The following GPC3 variants were observed in gnomAD, a reference collection of about 807,000 sequenced individuals.
GPC3 encodes glypican-3.
A neutral mutation model predicts 34.4 loss-of-function variants in GPC3; 3 were observed. The ratio of observed to expected loss-of-function variants is 0.09; its 90% CI spans 0.04 to 0.23. The LOEUF is 0.23. GPC3 is among the 10% of genes least tolerant of loss of function. The pLI is 1.00. For synonymous variants in GPC3, 177 were observed against 174.0 expected (o/e 1.02, Z -0.13); for missense variants, 351 against 445.6 (o/e 0.79, Z 1.91).
intron 1 of GPC3, among the ~76,000 whole-genome samples, chrX:133,964,198 T>C (rs956961091): frequency 4.5e-5 from 5 of 112,202 alleles, no homozygotes; most frequent in Non-Finnish European, 7.5e-5. Flanking sequence ...GTGAAAACCA[T>C]ATATTTACCA....
chrX:133,973,617 C>T (rs2076502677), intron 1 of GPC3, among the ~76,000 whole-genome samples: 1 of 111,964 alleles, frequency 8.9e-6, no homozygotes, highest in Non-Finnish European at 1.9e-5. Flanking sequence ...GCCAGAGAAA[C>T]AGAAAATTAT....
chrX:133,552,504 C>T (rs1017937204), intron 7 of GPC3, among the ~76,000 whole-genome samples: 10 of 111,194 alleles, frequency 9.0e-5, no homozygotes, highest in Admixed American at 8.7e-4. Flanking sequence ...GAGAAAAAAC[C>T]ACATAATCTA....
chrX:133,655,503 CACCCACACA>C (rs1569406962), intron 6 of GPC3, among the ~76,000 whole-genome samples: 18 of 106,045 alleles, frequency 1.7e-4, no homozygotes, highest in African/African-American at 6.7e-4. Flanking sequence ...CACACACACA[CACCCACACA>C]CACACACACA....
chrX:133,793,058 T>C lies in GPC3; in HGVS notation c.338-38882A>G, dbSNP rs1282333112. ...CTTCTGGTTTATGATTATTCTGAAT[T>C]AACACCAAAAAATAGAAATAAAAAA... On this transcript the variant is annotated intron_variant, in intron 2 of 7. Transcript: ENST00000370818. Among the ~76,000 whole-genome samples, 10 of 109,444 alleles carry C rather than the reference T, an allele frequency of 9.1e-5. No homozygotes were observed. The Admixed American group carries it at 9.7e-4, about 11-fold the overall frequency.
At position 133,552,589 on chromosome X, in the gene GPC3, C is replaced by T. The variant is rs575438780; in HGVS notation, c.1574-16296G>A. 2.3e-4 allele frequency among the ~76,000 whole-genome samples: 26 copies of T among 111,841 alleles called. No homozygotes were observed. The South Asian group carries it at 8.3e-3, about 36-fold the overall frequency. On this transcript the variant is annotated intron_variant, in intron 7 of 7. Transcript: ENST00000370818. Reference sequence around the variant, plus strand: ...TCAAGCAATACGAAATGCGCCTATACGGTAAAGATGGTCATATGAGGATAC... The same window carrying T: ...TCAAGCAATACGAAATGCGCCTATATGGTAAAGATGGTCATATGAGGATAC...
intron 7 of GPC3, among the ~76,000 whole-genome samples, chrX:133,547,543 T>C (rs1027037664): frequency 9.0e-6 from 1 of 111,551 alleles, no homozygotes; most frequent in Non-Finnish European, 1.9e-5. Context: ...AGAATGAAGA[T>C]GAATGGATAT....
At chrX:133,712,128 T>C (rs1412259359) in intron 3 of GPC3, among the ~76,000 whole-genome samples, 1 of 112,242 alleles carries the variant, frequency 8.9e-6, no homozygotes, top group African/African-American at 3.2e-5. Flanking sequence ...AAAAAGGAGA[T>C]TAGAAGACTT....
intron 2 of GPC3, among the ~76,000 whole-genome samples, chrX:133,870,824 A>G (rs1203419640): frequency 1.8e-5 from 2 of 111,799 alleles, no homozygotes; most frequent in Non-Finnish European, 3.8e-5. Context: ...GTCACCAATG[A>G]CTTTTAGAGT....
chrX:133,801,491 C>T (rs763515664), intron 2 of GPC3, among the ~76,000 whole-genome samples: 1 of 111,779 alleles, frequency 8.9e-6, no homozygotes, highest in South Asian at 3.8e-4. Context: ...TAGTCGAACG[C>T]ATTTTATAAA....
intron 2 of GPC3, among the ~76,000 whole-genome samples, chrX:133,857,054 T>C: frequency 1.1e-5 from 1 of 93,958 alleles, no homozygotes; most frequent in Non-Finnish European, 2.1e-5. Context: ...CCATGTAATG[T>C]TTCTGTTAGA....
intron 3 of GPC3, among the ~76,000 whole-genome samples, chrX:133,731,837 T>C (rs1326173631): frequency 1.8e-5 from 2 of 112,725 alleles, no homozygotes; most frequent in Non-Finnish European, 3.7e-5. Flanking sequence ...GATAGGTTTG[T>C]TTCCTTTTTC....
intron 2 of GPC3, among the ~76,000 whole-genome samples, chrX:133,904,487 G>A (rs2076159451): frequency 8.9e-6 from 1 of 112,140 alleles, no homozygotes; most frequent in Non-Finnish European, 1.9e-5. Flanking sequence ...ATGGGACTGA[G>A]GCCAGTTTGA....
intron 5 of GPC3, among the ~76,000 whole-genome samples, chrX:133,687,325 G>A (rs1324253669): frequency 3.9e-5 from 4 of 102,741 alleles, no homozygotes; most frequent in Non-Finnish European, 5.9e-5. Flanking sequence ...ACTTATCAAG[G>A]TATGCCCTAT....
rs73241311 is a variant in GPC3 at position 133,970,827 on chromosome X, C to A, written c.175+14448G>T. ...TATACATAAGTGCATAACCTAACAA[C>A]CTTGGCCAAGCTTGGAAGAGATAAT... On this transcript the variant is annotated intron_variant, in intron 1 of 7. Coordinates refer to ENST00000370818, the MANE Select transcript of GPC3 (RefSeq NM_004484.4). Among the ~76,000 whole-genome samples, 304 of 111,592 alleles carry A rather than the reference C, an allele frequency of 2.7e-3. 1 individual carries two copies. Among genetic ancestry groups the A allele is most frequent in the Non-Finnish European group, 4.9e-3 (261 of 53,131 alleles).
intron 2 of GPC3, among the ~76,000 whole-genome samples, chrX:133,780,060 G>A (rs1345827483): frequency 4.5e-5 from 5 of 112,027 alleles, no homozygotes; most frequent in African/African-American, 1.3e-4. Context: ...TGGAAGCAGA[G>A]GCTGAAAGTA....
chrX:133,948,100 C>T (rs1166917105), intron 2 of GPC3, among the ~76,000 whole-genome samples: 1 of 110,739 alleles, frequency 9.0e-6, no homozygotes, highest in Non-Finnish European at 1.9e-5. Context: ...TCAGTACTCA[C>T]TTAAAACCCC....
intron 6 of GPC3, among the ~76,000 whole-genome samples, chrX:133,643,834 T>G (rs993375121): frequency 1.8e-5 from 2 of 108,340 alleles, no homozygotes; most frequent in Middle Eastern, 4.7e-3. Flanking sequence ...TTTTTATGTT[T>G]TTTTTTTTTT....
At chrX:133,759,525 T>C (rs193227924) in intron 2 of GPC3, among the ~76,000 whole-genome samples, 107 of 112,262 alleles carry the variant, frequency 9.5e-4, no homozygotes, top group Non-Finnish European at 1.2e-3. Flanking sequence ...AGAATAATCT[T>C]TGCAACAAAT....
rs1463903417 is a variant in GPC3, at chrX:133,728,626, T to C, written c.1032+24856A>G. On this transcript the variant is annotated intron_variant, in intron 3 of 7. Coordinates refer to ENST00000370818, the MANE Select transcript of GPC3 (RefSeq NM_004484.4). ...TCTATGCAGGTCATTTGGCTTAGTA[T>C]CTCCTTTAGCAATGTCCTCTACAAA... Among the ~76,000 whole-genome samples the C allele has an allele frequency of 2.7e-5, 3 of 112,682 alleles. No individual in the cohort carries two copies. In the Admixed American group the frequency reaches 2.8e-4, roughly 11 times the overall value.
Sources: gnomAD v4.1 joint callset for allele counts (sites outside exome capture counted in the v4.1 genomes callset) on GRCh38, gnomAD v4.1.1 for gene constraint, MANE v1.5 for transcripts, NCBI Gene and HGNC (gene_info 2026-07-23, HGNC 2026-07-21) for gene names.